DDX19B: variants seen among roughly 807,000 people sequenced by gnomAD.
The protein encoded by DDX19B is ATP-dependent RNA helicase DDX19B.
In DDX19B, 27 loss-of-function variants were observed where a neutral mutation model predicts 58.1. That is an observed-to-expected ratio of 0.46 (90% CI 0.34 to 0.64). The LOEUF (loss-of-function observed/expected upper bound fraction) is 0.64, where lower values mean the gene tolerates loss of function less well. DDX19B is among the 30% of genes least tolerant of loss of function. The pLI is 0.01. For missense variants in DDX19B, 399 were observed against 596.5 expected, an observed-to-expected ratio of 0.67 and a Z score of 3.45; for synonymous variants, 187 against 214.4, an observed-to-expected ratio of 0.87 and a Z score of 1.12.
upstream of DDX19B, among the ~76,000 whole-genome samples, chr16:70,293,540 A>G (rs1961111365): frequency 6.7e-6 from 1 of 149,872 alleles, no homozygotes; most frequent in South Asian, 2.1e-4. Flanking sequence ...TTTAGCATCT[A>G]TAAAATGGGT....
intron 9 of DDX19B, among the ~76,000 whole-genome samples, chr16:70,330,492 GCA>G (rs1963427745): frequency 3.3e-5 from 5 of 152,266 alleles, no homozygotes; most frequent in African/African-American, 1.2e-4. Flanking sequence ...GGAGGCTGAA[GCA>G]GGAGAATCGC....
In DDX19B at chr16:70,330,209, G is replaced by GTC. The variant is rs1228148236; in HGVS notation, c.1023+141_1023+142insTC. 4.6e-5 allele frequency: 42 copies of GTC among 917,878 alleles called. No homozygotes were observed. In the African/African-American group the frequency reaches 6.7e-4, roughly 15 times the overall value. 56.9% of individuals were successfully genotyped at this position (917,878 alleles called of 1,614,324 possible). On this transcript the variant is annotated intron_variant, in intron 9 of 11. Transcript: ENST00000288071. ...CCTAAGGTTTTAGTGAGTCGTAAGAGGGAGACTTTGATTCCACTTCTTAGT... is the reference window on the plus strand; with the variant it reads ...CCTAAGGTTTTAGTGAGTCGTAAGAGTCGGAGACTTTGATTCCACTTCTTAGT...
intron 1 of DDX19B, among the ~76,000 whole-genome samples, chr16:70,307,250 G>A (rs950983192): frequency 3.3e-5 from 5 of 152,144 alleles, no homozygotes; most frequent in Admixed American, 3.3e-4. Context: ...GGGACTGCTG[G>A]ATTATATAGT....
At chr16:70,298,520 G>C (rs2152181122), upstream of DDX19B, among the ~76,000 whole-genome samples, 1 of 149,624 alleles carries the variant, frequency 6.7e-6, no homozygotes, top group East Asian at 2.0e-4. Context: ...ACAGAGTTTT[G>C]CTCTGTCACC....
chr16:70,301,804 C>G (rs1245103811), intron 1 of DDX19B, among the ~76,000 whole-genome samples: 3 of 151,860 alleles, frequency 2.0e-5, no homozygotes, highest in African/African-American at 4.8e-5. Flanking sequence ...CTCCTGGGCT[C>G]AAGTGATCCT....
upstream of DDX19B, chr16:70,295,157 C>T (rs968285586): frequency 1.0e-6 from 1 of 1,003,296 alleles, no homozygotes; most frequent in African/African-American, 1.7e-5. Context: ...TCCAGATGCT[C>T]TTATTCCCCG....
chr16:70,299,798 A>G (rs1484246360), intron 1 of DDX19B, among the ~76,000 whole-genome samples: 2 of 152,134 alleles, frequency 1.3e-5, no homozygotes, highest in Admixed American at 6.6e-5. Flanking sequence ...TTTAGGTGTC[A>G]TTCTCCACCT....
intron 1 of DDX19B, 56 bp from the exon 2 acceptor site, chr16:70,312,553 A>C (rs1962145874): frequency 1.3e-6 from 2 of 1,526,022 alleles, no homozygotes; most frequent in Non-Finnish European, 9.1e-7. Flanking sequence ...GTTGATTCCA[A>C]ATCTTTTTAA....
At chr16:70,313,069 A>G (rs1391135641) in intron 2 of DDX19B, among the ~76,000 whole-genome samples, 1 of 151,832 alleles carries the variant, frequency 6.6e-6, no homozygotes, top group East Asian at 1.9e-4. Flanking sequence ...CCCAGGCTGG[A>G]GTGCAGTGGC....
intron 5 of DDX19B, among the ~76,000 whole-genome samples, chr16:70,321,800 GA>G (rs1962835972): frequency 6.6e-6 from 1 of 150,426 alleles, no homozygotes; most frequent in South Asian, 2.1e-4. Flanking sequence ...TTGGGAGGCC[GA>G]GGCAGGCAGA....
intron 1 of DDX19B, among the ~76,000 whole-genome samples, chr16:70,311,546 G>C (rs1962095053): frequency 1.3e-5 from 2 of 152,178 alleles, no homozygotes; most frequent in African/African-American, 4.8e-5. Flanking sequence ...GAAGGTATTT[G>C]CATTCTAATA....
At position 70,333,908 on chromosome 16, in the gene DDX19B, T is replaced by C; in HGVS notation, c.*326T>C. On this transcript the variant is annotated 3_prime_UTR_variant, in exon 12 of 12. Transcript: ENST00000288071. ...CTGATTACTTGCCCAGGATCTCCTG[T>C]GGCAGCCTCTGCTTGTTCTCTGGCT... 9.8e-6 allele frequency: 4 copies of C among 410,100 alleles called. 1 individual carries two copies. The South Asian group carries it at 1.0e-4, about 10-fold the overall frequency. 25.4% of individuals were successfully genotyped at this position (410,100 alleles called of 1,614,324 possible). A position where few individuals can be genotyped will look rare whatever the true frequency, so the allele number is the denominator to read the frequency against.
intron 1 of DDX19B, among the ~76,000 whole-genome samples, chr16:70,311,112 A>G (rs986521133): frequency 2.8e-5 from 4 of 143,502 alleles, no homozygotes; most frequent in Non-Finnish European, 3.1e-5. Flanking sequence ...GGCAGCTCAT[A>G]TCTGTAATCC....
At position 70,334,110 on chromosome 16, in the gene DDX19B, A is replaced by G. The variant is rs551016121; in HGVS notation, c.*528A>G. On this transcript the variant is annotated 3_prime_UTR_variant, in exon 12 of 12. Coordinates refer to ENST00000288071, the MANE Select transcript of DDX19B (RefSeq NM_007242.7). ...GCTGCTTTGGACTTGGGGGTGGGAC[A>G]GCTCATCTGAGTATTGCCAGCCCCC... is the stretch of plus-strand genomic sequence containing the variant. The G allele has an allele frequency of 5.9e-6, 1 of 168,394 alleles. No individual in the cohort carries two copies. The highest frequency in any genetic ancestry group is 1.7e-4 in the East Asian group (1 of 5,854). 10.4% of individuals were successfully genotyped at this position (168,394 alleles called of 1,614,324 possible). A position where few individuals can be genotyped will look rare whatever the true frequency, so the allele number is the denominator to read the frequency against.
At chr16:70,293,705 G>C (rs371192904), upstream of DDX19B, among the ~76,000 whole-genome samples, 223 of 144,174 alleles carry the variant, frequency 1.5e-3, no homozygotes, top group Middle Eastern at 0.015. Context: ...TCCGCTTCCT[G>C]GGTTCACGCC....
chr16:70,327,098 T>C (rs560811968), intron 7 of DDX19B, among the ~76,000 whole-genome samples: 1 of 151,814 alleles, frequency 6.6e-6, no homozygotes, highest in Admixed American at 6.6e-5. Context: ...CCTCCCAAAG[T>C]GCTGGGATTA....
At chr16:70,310,108 C>T (rs559634299) in intron 1 of DDX19B, among the ~76,000 whole-genome samples, 8 of 151,380 alleles carry the variant, frequency 5.3e-5, no homozygotes, top group East Asian at 2.0e-4. Flanking sequence ...GCAGGCTGGG[C>T]GCAGTGGCTC....
In DDX19B at chr16:70,331,744, T is replaced by A; in HGVS notation, c.1046T>A (p.Leu349Gln). 1 of 1,613,966 alleles carries A rather than the reference T, an allele frequency of 6.2e-7. No homozygotes were observed. Among genetic ancestry groups the A allele is most frequent in the South Asian group, 1.1e-5 (1 of 91,082 alleles). ...FCHTRKTASW[L>Q]AAELSKEGHQ... is the part of the protein sequence containing the mutation. The stretch of plus-strand genomic sequence containing the variant: ...CAGACTCGCAAAACAGCTAGTTGGC[T>A]GGCAGCAGAGCTCTCAAAAGAAGGC... The change falls in exon 10 of 12, where the codon CTG (leucine) becomes CAG (glutamine). Residue 349 changes from leucine to glutamine, a missense_variant. Around this residue, in one of 4 missense-constraint regions of DDX19B, gnomAD observed 198 missense variants for 345.9 expected, o/e 0.57. Coordinates refer to ENST00000288071, the MANE Select transcript of DDX19B (RefSeq NM_007242.7).
chr16:70,301,469 CTGTT>C (rs754055583), intron 1 of DDX19B, among the ~76,000 whole-genome samples: 4 of 151,984 alleles, frequency 2.6e-5, no homozygotes, highest in Admixed American at 6.6e-5. Flanking sequence ...GGAGAATCTT[CTGTT>C]TGTCTTTAAT....
Sources: gnomAD v4.1 joint callset for allele counts (sites outside exome capture counted in the v4.1 genomes callset) on GRCh38, gnomAD v4.1.1 for gene constraint, gnomAD v4.1.1 regional missense constraint, MANE v1.5 for transcripts, NCBI Gene and HGNC (gene_info 2026-07-23, HGNC 2026-07-21) for gene names.